Variants in CLUL1 observed in about 807,000 individuals in gnomAD.
CLUL1 encodes the protein clusterin-like protein 1.
Under a neutral mutation model 49.4 loss-of-function variants are expected in CLUL1, and 43 were observed. The ratio of observed to expected loss-of-function variants is 0.87; its 90% CI spans 0.68 to 1.12. The LOEUF (loss-of-function observed/expected upper bound fraction) is 1.12, where lower values mean the gene tolerates loss of function less well. CLUL1 is among the 50% of genes most tolerant of loss of function. The pLI is 0.00. For synonymous variants in CLUL1, 192 were observed against 184.9 expected, an observed-to-expected ratio of 1.04 and a Z score of -0.31; for missense variants, 486 against 544.4, an observed-to-expected ratio of 0.89 and a Z score of 1.07.
intron 1 of CLUL1, among the ~76,000 whole-genome samples, chr18:599,465 A>G (rs1159409868): frequency 6.6e-6 from 1 of 152,186 alleles, no homozygotes; most frequent in Non-Finnish European, 1.5e-5. Context: ...GATAGCTTTC[A>G]TTATTATTAT....
At chr18:609,422 T>C (rs998723784) in intron 2 of CLUL1, among the ~76,000 whole-genome samples, 4 of 152,198 alleles carry the variant, frequency 2.6e-5, no homozygotes, top group Non-Finnish European at 5.9e-5. Flanking sequence ...GGTCCTTTTT[T>C]TCCCTTGGGG....
intron 9 of CLUL1, among the ~76,000 whole-genome samples, chr18:648,540 A>G (rs1267632382): frequency 1.3e-5 from 2 of 152,188 alleles, no homozygotes; most frequent in African/African-American, 4.8e-5. Flanking sequence ...TCCAAGAAAT[A>G]GAATTACTTG....
At chr18:635,658 C>T (rs1816986071) in intron 7 of CLUL1, among the ~76,000 whole-genome samples, 1 of 151,286 alleles carries the variant, frequency 6.6e-6, no homozygotes, top group Non-Finnish European at 1.5e-5. Context: ...AAAGCATGGT[C>T]AGTGGAAACT....
In CLUL1 at chr18:633,869, T is replaced by TGTAATCGGAATGAATCAGGGC. The variant is rs1567972413; in HGVS notation, c.994+435_994+436insTAATCGGAATGAATCAGGGCG. ...AGCGTGTAATCGGAATGAATCAGGGTGGAGCGTGTAATCGAAAAAGGTTGC... is the reference window on the plus strand; with the variant it reads ...AGCGTGTAATCGGAATGAATCAGGGTGTAATCGGAATGAATCAGGGCGGAGCGTGTAATCGAAAAAGGTTGC... On this transcript the variant is annotated intron_variant, in intron 7 of 9. Transcript: ENST00000692774. 9.3e-5 allele frequency among the ~76,000 whole-genome samples: 10 copies of TGTAATCGGAATGAATCAGGGC among 107,484 alleles called. 1 individual carries two copies. Among genetic ancestry groups the TGTAATCGGAATGAATCAGGGC allele is most frequent in the African/African-American group, 3.3e-4 (7 of 21,176 alleles). 70.5% of individuals were successfully genotyped at this position (107,484 alleles called of 152,430 possible). A position where few individuals can be genotyped will look rare whatever the true frequency, so the allele number is the denominator to read the frequency against.
At position 599,590 on chromosome 18, in the gene CLUL1, G is replaced by C. The variant is rs151083699; in HGVS notation, c.-136+2461G>C. ...TTTTAATCATTTATTTTTATCACCA[G>C]ATTTATTTTTATTACCCAAAATGTC... On this transcript the variant is annotated intron_variant, in intron 1 of 9. Transcript: ENST00000692774. Among the ~76,000 whole-genome samples, 433 of 152,142 alleles carry C rather than the reference G, an allele frequency of 2.8e-3. 1 individual carries two copies. The highest frequency in any genetic ancestry group is 9.7e-3 in the African/African-American group (404 of 41,508).
intron 2 of CLUL1, among the ~76,000 whole-genome samples, chr18:611,008 G>C (rs531450146): frequency 7.9e-5 from 12 of 152,238 alleles, no homozygotes; most frequent in African/African-American, 2.6e-4. Flanking sequence ...CCTGTCCTAC[G>C]TCTTGGCTGC....
intron 5 of CLUL1, among the ~76,000 whole-genome samples, chr18:625,377 G>A (rs900362835): frequency 6.6e-6 from 1 of 152,076 alleles, no homozygotes; most frequent in Non-Finnish European, 1.5e-5. Context: ...TCCAGTAAAT[G>A]TTTACCAAAT....
chr18:638,546 T>C (rs2074226332), intron 7 of CLUL1, among the ~76,000 whole-genome samples: 2 of 152,162 alleles, frequency 1.3e-5, no homozygotes, highest in Non-Finnish European at 2.9e-5. Context: ...AATTGCTTTT[T>C]ATTATAAATA....
chr18:600,107 G>A (rs923854046), intron 1 of CLUL1, among the ~76,000 whole-genome samples: 1 of 152,126 alleles, frequency 6.6e-6, no homozygotes, highest in African/African-American at 2.4e-5. Context: ...TGCATGTTGT[G>A]ACTGAACTCA....
In CLUL1 at chr18:625,031, A is replaced by C; in HGVS notation, c.422A>C (p.Lys141Thr). The change falls in exon 5 of 10, where the codon AAG becomes ACG. Residue 141 changes from lysine to threonine, a missense_variant and splice_region_variant. Lys to Thr is a moderately conservative substitution (Grantham distance 78). Transcript: ENST00000692774. ...CCTAGCTGGTCCTCTGTGAAAAATA[A>C]GGTAAGAGAAAAAGAGAGCTCAAGA... ...CQPSWSSVKNKIERFFRKIYQ... is the reference protein window; with the variant it reads ...CQPSWSSVKNTIERFFRKIYQ... 2 of 1,613,862 alleles carry C rather than the reference A, an allele frequency of 1.2e-6. No homozygotes were observed. Among genetic ancestry groups the C allele is most frequent in the Admixed American group, 1.7e-5 (1 of 59,968 alleles).
At chr18:609,429 G>A (rs1261059990) in intron 2 of CLUL1, among the ~76,000 whole-genome samples, 1 of 151,870 alleles carries the variant, frequency 6.6e-6, no homozygotes, top group Non-Finnish European at 1.5e-5. Context: ...TTTTTCCCTT[G>A]GGGACACGGA....
intron 7 of CLUL1, among the ~76,000 whole-genome samples, chr18:639,820 G>A (rs1003409874): frequency 6.6e-6 from 1 of 152,004 alleles, no homozygotes; most frequent in African/African-American, 2.4e-5. Context: ...ATGGGCACAT[G>A]TCAAATGTTA....
intron 4 of CLUL1, among the ~76,000 whole-genome samples, chr18:619,992 G>GCACCCT: frequency 6.6e-6 from 1 of 152,140 alleles, no homozygotes; most frequent in African/African-American, 2.4e-5. Context: ...TTACAGGCAT[G>GCACCCT]GACCACCGTG....
intron 2 of CLUL1, among the ~76,000 whole-genome samples, chr18:610,405 C>T (rs2073098920): frequency 6.6e-6 from 1 of 152,010 alleles, no homozygotes; most frequent in Admixed American, 6.6e-5. Flanking sequence ...GGATGATTCC[C>T]AAATGTCTGG....
In CLUL1 at chr18:627,251, C is replaced by T; in HGVS notation, c.578C>T (p.Ser193Phe). 1 of 1,614,012 alleles carries T rather than the reference C, an allele frequency of 6.2e-7. No individual in the cohort carries two copies. Residue 193 changes from serine (S) to phenylalanine (F), a missense_variant, in exon 6 of 10, where the codon TCT (serine) becomes TTT (phenylalanine). By Grantham distance (155) the Ser-to-Phe change is radical. Transcript: ENST00000692774. The stretch of plus-strand genomic sequence containing the variant: ...AGCCAGTTGACTGTGGATGTGAATT[C>T]TCTCTTTAACAGGAGTTTTAACGTC... ...VFSQLTVDVNSLFNRSFNVFR... is the reference protein window; with the variant it reads ...VFSQLTVDVNFLFNRSFNVFR...
intron 2 of CLUL1, among the ~76,000 whole-genome samples, chr18:609,699 T>C (rs1161688673): frequency 1.3e-5 from 2 of 151,880 alleles, no homozygotes; most frequent in Non-Finnish European, 2.9e-5. Flanking sequence ...TGGTGCATGC[T>C]TGTAATCCCA....
In CLUL1 at chr18:613,279, T is replaced by C. The variant is rs956529372; in HGVS notation, c.-13-4709T>C. On this transcript the variant is annotated intron_variant, in intron 2 of 9. Coordinates refer to ENST00000692774, the MANE Select transcript of CLUL1 (RefSeq NM_001393344.1). ...TCAGCCTCTCGAGTGGCTGGGACTA[T>C]AGGTGCGTGCCACCACACCCAGCTA... The C allele has an allele frequency of 5.6e-4, 227 of 408,604 alleles. 4 individuals carry two copies. The highest frequency in any genetic ancestry group is 4.3e-3 in the African/African-American group (208 of 48,472). 25.3% of individuals were successfully genotyped at this position (408,604 alleles called of 1,614,324 possible).
intron 2 of CLUL1, among the ~76,000 whole-genome samples, chr18:617,370 G>A (rs933131312): frequency 3.3e-5 from 5 of 152,026 alleles, no homozygotes; most frequent in Admixed American, 6.6e-5. Context: ...CGAGGGGGGC[G>A]GATCACCTGA....
At chr18:645,617 A>G (rs2074450975) in intron 9 of CLUL1, among the ~76,000 whole-genome samples, 1 of 150,628 alleles carries the variant, frequency 6.6e-6, no homozygotes, top group South Asian at 2.1e-4. Context: ...AACACGGAGA[A>G]ACTGCGTCTC....
Sources: gnomAD v4.1 joint callset for allele counts (sites outside exome capture counted in the v4.1 genomes callset) on GRCh38, gnomAD v4.1.1 for gene constraint, MANE v1.5 for transcripts, NCBI Gene and HGNC (gene_info 2026-07-23, HGNC 2026-07-21) for gene names.